DMXL1: variants seen among roughly 807,000 people sequenced by gnomAD.
The protein encoded by DMXL1 is dmX-like protein 1.
In DMXL1, 99 loss-of-function variants were observed where a neutral mutation model predicts 319.2. The ratio of observed to expected loss-of-function variants is 0.31; its 90% CI spans 0.26 to 0.37. DMXL1 has a LOEUF of 0.37. Ranked by LOEUF, DMXL1 falls within the 10% of genes least tolerant of loss-of-function variation. The probability of loss-of-function intolerance (pLI) is 1.00; values close to 1 mark genes in which losing one functional copy is unlikely to be tolerated. For missense variants in DMXL1, 3,745 were observed against 3,595.6 expected, an observed-to-expected ratio of 1.04 and a Z score of -1.06; for synonymous variants, 1,385 against 1,235.2, an observed-to-expected ratio of 1.12 and a Z score of -2.54.
intron 4 of DMXL1, 72 bp from the exon 5 acceptor site, chr5:119,110,079 A>G: frequency 7.3e-7 from 1 of 1,372,676 alleles, no homozygotes; most frequent in Non-Finnish European, 9.8e-7. Flanking sequence ...GTTTTATATG[A>G]AATTCTTGAG....
chr5:119,237,932 T>A (rs1228775242), intron 40 of DMXL1, among the ~76,000 whole-genome samples: 1 of 152,098 alleles, frequency 6.6e-6, no homozygotes, highest in Non-Finnish European at 1.5e-5. Context: ...AAGCTCTTTA[T>A]AGGACTAAGC....
At chr5:119,162,718 C>G (rs1167666469) in intron 19 of DMXL1, among the ~76,000 whole-genome samples, 1 of 152,174 alleles carries the variant, frequency 6.6e-6, no homozygotes, top group Non-Finnish European at 1.5e-5. Flanking sequence ...TTCCTGCCAT[C>G]TTACTGATGT....
At chr5:119,215,114 G>A (rs1474030436) in intron 34 of DMXL1, among the ~76,000 whole-genome samples, 1 of 152,178 alleles carries the variant, frequency 6.6e-6, no homozygotes, top group African/African-American at 2.4e-5. Context: ...TAGAAGACAA[G>A]TTGATCCTCA....
At position 119,242,588 on chromosome 5, in the gene DMXL1, A is replaced by G. The variant is rs554255351; in HGVS notation, c.8705-1771A>G. ...ATCCTAATCAAAATTCCAGCATGCT[A>G]CTTTGCAGATATCAACAAACTGATT... On this transcript the variant is annotated intron_variant, in intron 42 of 43. Transcript: ENST00000539542. 6.8e-4 allele frequency among the ~76,000 whole-genome samples: 104 copies of G among 152,342 alleles called. 1 individual carries two copies. Among genetic ancestry groups the G allele is most frequent in the Non-Finnish European group, 1.1e-3 (78 of 68,010 alleles).
At chr5:119,108,583 T>C (rs1758867167) in intron 4 of DMXL1, among the ~76,000 whole-genome samples, 1 of 152,014 alleles carries the variant, frequency 6.6e-6, no homozygotes, top group Admixed American at 6.6e-5. Context: ...GTCTAACTAA[T>C]TTTTGTAATT....
chr5:119,144,492 A>G (rs1466369127), intron 14 of DMXL1, 44 bp from the exon 15 acceptor site: 1 of 1,379,182 alleles, frequency 7.3e-7, no homozygotes, highest in African/African-American at 1.5e-5. Context: ...GCATTAGGTA[A>G]ATAACACATA....
chr5:119,133,812 A>G lies in DMXL1; in HGVS notation c.1888A>G (p.Lys630Glu). ...AFSTVLSISH[K>E]SRYCGHRFHL... ...TTCTACTGTTCTCAGTATTTCCCAC[A>G]AATCCAGATATTGTGGTCATCGTTT... Residue 630 changes from lysine to glutamate, a missense_variant, in exon 12 of 44, where the codon AAA (lysine) becomes GAA (glutamate). By Grantham distance (56) the Lys-to-Glu change is moderately conservative. This residue lies in a region of DMXL1 where 2,096 missense variants were observed against 1,985.4 expected (regional missense o/e 1.06). Coordinates refer to ENST00000539542, the MANE Select transcript of DMXL1 (RefSeq NM_001290321.3). 6.2e-7 allele frequency: 1 copy of G among 1,614,156 alleles called. No individual in the cohort carries two copies. Among genetic ancestry groups the G allele is most frequent in the Non-Finnish European group, 8.5e-7 (1 of 1,180,034 alleles).
rs550783558 is a variant in DMXL1, at chr5:119,113,225, G to T, written c.498-1250G>T. Among the ~76,000 whole-genome samples the T allele has an allele frequency of 2.0e-5, 3 of 152,256 alleles. No homozygotes were observed. The South Asian group carries it at 6.2e-4, about 32-fold the overall frequency. On this transcript the variant is annotated intron_variant, in intron 5 of 43. Coordinates refer to ENST00000539542, the MANE Select transcript of DMXL1 (RefSeq NM_001290321.3). ...CACATCTTTTGCATCTATATGCAAAGATGTTCATGACATATTTTTGTTGTT... is the reference window on the plus strand; with the variant it reads ...CACATCTTTTGCATCTATATGCAAATATGTTCATGACATATTTTTGTTGTT...
At chr5:119,144,217 GGT>G (rs1383899587) in intron 14 of DMXL1, among the ~76,000 whole-genome samples, 1 of 151,698 alleles carries the variant, frequency 6.6e-6, no homozygotes, top group African/African-American at 2.4e-5. Context: ...TTAATAAAGT[GGT>G]GTTAGGTTCC....
At chr5:119,166,908 C>G (rs897004511) in intron 22 of DMXL1, 127 bp downstream of exon 22, 6 of 685,462 alleles carry the variant, frequency 8.8e-6, no homozygotes, top group Non-Finnish European at 1.1e-5. Context: ...TCTGAAATAA[C>G]TGTTAATATT....
intron 34 of DMXL1, among the ~76,000 whole-genome samples, chr5:119,211,958 G>C (rs1235011777): frequency 3.9e-5 from 6 of 152,144 alleles, no homozygotes; most frequent in Non-Finnish European, 8.8e-5. Flanking sequence ...TTAATCTATT[G>C]TAACTATCTC....
At chr5:119,181,120 A>T (rs111761903) in intron 28 of DMXL1, among the ~76,000 whole-genome samples, 1 of 152,242 alleles carries the variant, frequency 6.6e-6, no homozygotes, top group Non-Finnish European at 1.5e-5. Context: ...TAACCACTCT[A>T]GTTGTTGGTT....
intron 38 of DMXL1, among the ~76,000 whole-genome samples, chr5:119,225,420 A>G (rs1785354272): frequency 6.6e-6 from 1 of 151,968 alleles, no homozygotes; most frequent in African/African-American, 2.4e-5. Flanking sequence ...TGGAATCAAT[A>G]CTCATACTGG....
intron 33 of DMXL1, among the ~76,000 whole-genome samples, chr5:119,204,413 A>G (rs1244786353): frequency 6.6e-6 from 1 of 152,234 alleles, no homozygotes; most frequent in African/African-American, 2.4e-5. Flanking sequence ...TGCTGAGATT[A>G]CAGGCTTGAG....
chr5:119,100,775 T>C (rs1462796193), intron 2 of DMXL1: 8 of 127,912 alleles, frequency 6.3e-5, no homozygotes, highest in Admixed American at 1.6e-4. Flanking sequence ...GTTTTCTTTT[T>C]TTTTTTTTTT....
intron 34 of DMXL1, among the ~76,000 whole-genome samples, chr5:119,208,610 A>G (rs1782175703): frequency 6.6e-6 from 1 of 152,154 alleles, no homozygotes; most frequent in African/African-American, 2.4e-5. Flanking sequence ...GCTTCATGCT[A>G]CGTCAAAATA....
rs1396533622 is a variant in DMXL1, at chr5:119,174,479, TATA to T, written c.6682-778_6682-776del. On this transcript the variant is annotated intron_variant, in intron 25 of 43. Coordinates refer to ENST00000539542, the MANE Select transcript of DMXL1 (RefSeq NM_001290321.3). ...ATATAGTTTTTGTCATCTTCAATTA[TATA>T]ATATCTTTTAATTCATACTACGTTT... Among the ~76,000 whole-genome samples the T allele has an allele frequency of 8.5e-5, 13 of 152,346 alleles. No individual in the cohort carries two copies. The East Asian group carries it at 2.1e-3, about 25-fold the overall frequency.
chr5:119,085,931 A>G (rs546941351), intron 1 of DMXL1, among the ~76,000 whole-genome samples: 13 of 152,288 alleles, frequency 8.5e-5, no homozygotes, highest in African/African-American at 2.9e-4. Context: ...TCCAGGATCT[A>G]TTGAAACTAT....
At chr5:119,152,303 A>G (rs1769983953) in intron 19 of DMXL1, among the ~76,000 whole-genome samples, 1 of 152,152 alleles carries the variant, frequency 6.6e-6, no homozygotes, top group Non-Finnish European at 1.5e-5. Context: ...TTCAAGGCAA[A>G]TTAGTATTGT....
Sources: gnomAD v4.1 joint callset for allele counts (sites outside exome capture counted in the v4.1 genomes callset) on GRCh38, gnomAD v4.1.1 for gene constraint, gnomAD v4.1.1 regional missense constraint, MANE v1.5 for transcripts, NCBI Gene and HGNC (gene_info 2026-07-23, HGNC 2026-07-21) for gene names.